The following UBAC2 variants were observed in gnomAD, a reference collection of about 807,000 sequenced individuals.
UBAC2 encodes UBA domain containing 2.
UBAC2 carries 26 observed loss-of-function variants against 44.0 expected under a neutral mutation model. The observed-to-expected ratio is 0.59, with a 90% CI of 0.43 to 0.82. The LOEUF (loss-of-function observed/expected upper bound fraction) is 0.82, where lower values mean the gene tolerates loss of function less well. UBAC2 is among the 40% of genes least tolerant of loss of function. The pLI is 0.00. For missense variants in UBAC2, 329 were observed against 419.4 expected (o/e 0.78, Z 1.88); for synonymous variants, 155 against 154.3 (o/e 1.00, Z -0.04).
chr13:99,230,115 A>G (rs760455511), intron 1 of UBAC2, among the ~76,000 whole-genome samples: 27 of 152,190 alleles, frequency 1.8e-4, no homozygotes, highest in Non-Finnish European at 3.8e-4. Context: ...GATAATCACT[A>G]TTTTAGTGTA....
At chr13:99,228,390 C>T (rs1566456469) in intron 1 of UBAC2, among the ~76,000 whole-genome samples, 1 of 151,786 alleles carries the variant, frequency 6.6e-6, no homozygotes, top group Admixed American at 6.6e-5. Context: ...TGGGTTCAAG[C>T]GATTCTCCTG....
chr13:99,310,377 T>A (rs1352716852), intron 4 of UBAC2, among the ~76,000 whole-genome samples: 3 of 152,214 alleles, frequency 2.0e-5, no homozygotes, highest in African/African-American at 7.2e-5. Flanking sequence ...ACCTGCTTTC[T>A]CTTTTCTGTG....
At chr13:99,339,175 C>T (rs1242984704) in intron 6 of UBAC2, among the ~76,000 whole-genome samples, 3 of 152,176 alleles carry the variant, frequency 2.0e-5, no homozygotes, top group African/African-American at 7.2e-5. Flanking sequence ...CTCCCAAGCT[C>T]GGGCTGCGCA....
intron 1 of UBAC2, among the ~76,000 whole-genome samples, chr13:99,202,874 C>G (rs945144656): frequency 6.6e-6 from 1 of 152,120 alleles, no homozygotes; most frequent in African/African-American, 2.4e-5. Context: ...AATGCAGCAA[C>G]GAACAGGTCC....
chr13:99,243,828 C>A lies in UBAC2; in HGVS notation c.160-4C>A. On this transcript the variant is annotated splice_polypyrimidine_tract_variant and splice_region_variant and intron_variant, in intron 2 of 8. Coordinates refer to ENST00000403766, the MANE Select transcript of UBAC2 (RefSeq NM_001144072.2). ...TTATTGTTCTTTTTTAAATCCCCAT[C>A]TAGATTTGGAGGTTGATATGTGGAA... 6.4e-7 allele frequency: 1 copy of A among 1,562,058 alleles called. No homozygotes were observed. Among genetic ancestry groups the A allele is most frequent in the Non-Finnish European group, 8.7e-7 (1 of 1,153,160 alleles).
chr13:99,334,852 GA>G (rs1005105805), intron 6 of UBAC2, among the ~76,000 whole-genome samples: 3 of 151,264 alleles, frequency 2.0e-5, no homozygotes, highest in African/African-American at 4.9e-5. Context: ...TAATTTAAAA[GA>G]AAAAAAATTG....
At chr13:99,283,244 T>C (rs2043976167) in intron 4 of UBAC2, among the ~76,000 whole-genome samples, 1 of 152,216 alleles carries the variant, frequency 6.6e-6, no homozygotes, top group Admixed American at 6.5e-5. Context: ...TCAGCTGTTA[T>C]TCCAGTGTGT....
chr13:99,262,155 C>G (rs1409206467), intron 4 of UBAC2, among the ~76,000 whole-genome samples: 1 of 152,178 alleles, frequency 6.6e-6, no homozygotes, highest in Admixed American at 6.5e-5. Flanking sequence ...GGTTTACTGT[C>G]ACAGTGTCAC....
At chr13:99,353,901 C>T (rs1039469777) in intron 7 of UBAC2, among the ~76,000 whole-genome samples, 11 of 152,166 alleles carry the variant, frequency 7.2e-5, no homozygotes, top group South Asian at 2.1e-4. Context: ...GGTTGACAGA[C>T]GTGGTTTTGT....
intron 3 of UBAC2, 36 bp downstream of exon 3, chr13:99,243,987 C>G: frequency 6.8e-7 from 1 of 1,470,500 alleles, no homozygotes; most frequent in Non-Finnish European, 9.0e-7. Context: ...GCTACTTAGG[C>G]TGTAGAAAAA....
intron 1 of UBAC2, among the ~76,000 whole-genome samples, chr13:99,233,484 C>T (rs1221555726): frequency 6.6e-6 from 1 of 152,098 alleles, no homozygotes; most frequent in African/African-American, 2.4e-5. Context: ...AGGTCTTGGG[C>T]AGGGCGGGTA....
At chr13:99,208,558 C>T (rs1054877817) in intron 1 of UBAC2, among the ~76,000 whole-genome samples, 5 of 152,228 alleles carry the variant, frequency 3.3e-5, no homozygotes, top group Admixed American at 6.5e-5. Context: ...AATATATTAA[C>T]ACTTCAGTCT....
chr13:99,201,070 G>A (rs2042789323), intron 1 of UBAC2, 131 bp downstream of exon 1: 2 of 1,329,716 alleles, frequency 1.5e-6, no homozygotes, highest in Admixed American at 7.1e-5. Context: ...ACCCGCGTCC[G>A]AACCCTGCTA....
rs367645175 is a variant in UBAC2, at chr13:99,340,444, G to T, written c.686G>T (p.Ser229Ile). 1.2e-6 allele frequency: 2 copies of T among 1,614,062 alleles called. No homozygotes were observed. The highest frequency in any genetic ancestry group is 1.3e-5 in the African/African-American group (1 of 74,894). The change falls in exon 7 of 9, where the codon AGC becomes ATC. Residue 229 changes from serine to isoleucine, a missense_variant. Ser to Ile is a moderately radical substitution (Grantham distance 142, BLOSUM62 -2). Transcript: ENST00000403766. ...ATCTTCTCTTCTTCAGAACCCACCA[G>T]CGAAGCCAGAATTGGGATGGGAGCC... ...EPIFSSSEPT[S>I]EARIGMGATL...
intron 6 of UBAC2, among the ~76,000 whole-genome samples, chr13:99,334,131 T>C (rs1228377355): frequency 6.6e-6 from 1 of 152,062 alleles, no homozygotes; most frequent in East Asian, 1.9e-4. Context: ...TATTTATTCT[T>C]ATTTTTTTTT....
chr13:99,284,963 CT>C (rs2043999452), intron 4 of UBAC2, among the ~76,000 whole-genome samples: 1 of 152,152 alleles, frequency 6.6e-6, no homozygotes, highest in African/African-American at 2.4e-5. Flanking sequence ...AAAATGAGCC[CT>C]ATTACCCAGA....
chr13:99,355,481 C>T (rs369545447), intron 7 of UBAC2, among the ~76,000 whole-genome samples: 4 of 152,338 alleles, frequency 2.6e-5, no homozygotes, highest in Non-Finnish European at 2.9e-5. Flanking sequence ...GCTCTTCCTG[C>T]GCTGATGTCC....
intron 6 of UBAC2, among the ~76,000 whole-genome samples, chr13:99,329,014 C>T (rs979263115): frequency 6.6e-6 from 1 of 152,146 alleles, no homozygotes; most frequent in East Asian, 1.9e-4. Flanking sequence ...AAGATTTATT[C>T]TTTTCCACAC....
At chr13:99,241,147 C>G (rs1396050388) in intron 2 of UBAC2, among the ~76,000 whole-genome samples, 1 of 151,704 alleles carries the variant, frequency 6.6e-6, no homozygotes, top group Non-Finnish European at 1.5e-5. Flanking sequence ...ACCTGTAGTC[C>G]CAGCTACTCA....
Sources: allele counts gnomAD v4.1 joint callset (sites outside exome capture counted in the v4.1 genomes callset), GRCh38; gene constraint gnomAD v4.1.1; transcripts MANE v1.5; gene names NCBI Gene and HGNC (gene_info 2026-07-23, HGNC 2026-07-21).